Variants in MAP3K19 observed in about 807,000 individuals in gnomAD.
MAP3K19 encodes SPS1/STE20-related protein kinase YSK4.
Under a neutral mutation model 114.4 loss-of-function variants are expected in MAP3K19, and 91 were observed. The ratio of observed to expected loss-of-function variants is 0.80; its 90% CI spans 0.67 to 0.95. The LOEUF is 0.95. Ranked by LOEUF, MAP3K19 falls within the 40% of genes least tolerant of loss-of-function variation. The pLI, the probability that MAP3K19 is intolerant of heterozygous loss-of-function variation, is 0.00. For missense variants in MAP3K19, 1,471 were observed against 1,573.2 expected, an observed-to-expected ratio of 0.94 and a Z score of 1.10; for synonymous variants, 518 against 530.5, an observed-to-expected ratio of 0.98 and a Z score of 0.32.
In MAP3K19 at chr2:134,981,223, C is replaced by T; in HGVS notation, c.3518G>A (p.Gly1173Asp). 2 of 1,614,172 alleles carry T rather than the reference C, an allele frequency of 1.2e-6. No individual in the cohort carries two copies. Among genetic ancestry groups the T allele is most frequent in the Non-Finnish European group, 8.5e-7 (1 of 1,180,044 alleles). Residue 1173 changes from glycine to aspartate, a missense_variant, in exon 12 of 13, where the codon GGT (glycine) becomes GAT (aspartate). Physicochemically the swap from Gly to Asp is moderately conservative, Grantham distance 94. Coordinates refer to ENST00000392915, the MANE Select transcript of MAP3K19 (RefSeq NM_025052.5). Reference sequence around the variant, plus strand: ...ACAGTTCTCATGGAGATAAGCAACACCTTGAAGTATTTGTTTCGTATATTT... The same window carrying T: ...ACAGTTCTCATGGAGATAAGCAACATCTTGAAGTATTTGTTTCGTATATTT... ...FCKYTKQILQ[G>D]VAYLHENCVV...
At chr2:135,002,796 G>A (rs1293498569) in intron 6 of MAP3K19, among the ~76,000 whole-genome samples, 1 of 152,136 alleles carries the variant, frequency 6.6e-6, no homozygotes, top group Non-Finnish European at 1.5e-5. Flanking sequence ...CTCTGGTTAT[G>A]GCAGACGTGG....
intron 5 of MAP3K19, among the ~76,000 whole-genome samples, chr2:135,013,913 T>A (rs189460280): frequency 4.5e-4 from 69 of 152,326 alleles, no homozygotes; most frequent in African/African-American, 1.6e-3. Context: ...CTTTCTTTAT[T>A]TACTTTTTCA....
At position 135,005,434 on chromosome 2, in the gene MAP3K19, C is replaced by A. The variant is rs1335376787; in HGVS notation, c.235+1G>T. 1.2e-6 allele frequency: 2 copies of A among 1,608,484 alleles called. No individual in the cohort carries two copies. The highest frequency in any genetic ancestry group is 1.3e-5 in the African/African-American group (1 of 74,882). ...ACACATCAAGGAGTAAAGCCCAGTA[C>A]CTTCTGTCCTGGGTTGCCAGTCCTG... On this transcript the variant is annotated splice_donor_variant, in intron 6 of 12. Transcript: ENST00000392915. LOFTEE classifies it high-confidence loss of function.
chr2:134,997,950 C>T (rs1168611688), intron 8 of MAP3K19, among the ~76,000 whole-genome samples: 1 of 151,982 alleles, frequency 6.6e-6, no homozygotes, highest in African/African-American at 2.4e-5. Flanking sequence ...GGCATGCAGT[C>T]TCCCTCATTG....
At position 134,986,064 on chromosome 2, in the gene MAP3K19, T is replaced by C; in HGVS notation, c.2808A>G (p.Ser936=). The change falls in exon 10 of 13, where the codon TCA becomes TCG. Residue 936 remains serine (S), a synonymous_variant. Transcript: ENST00000392915. ...YLDHDSLANK[S]ITYQMFGKTL... ...TTTTTCCAAACATTTGATATGTGAT[T>C]GACTTATTTGCTAAACTATCATGAT... The C allele has an allele frequency of 6.2e-7, 1 of 1,614,070 alleles. No individual in the cohort carries two copies. Among genetic ancestry groups the C allele is most frequent in the Non-Finnish European group, 8.5e-7 (1 of 1,179,980 alleles).
chr2:134,978,433 T>G (rs1684397339), intron 12 of MAP3K19, among the ~76,000 whole-genome samples: 1 of 152,058 alleles, frequency 6.6e-6, no homozygotes, highest in African/African-American at 2.4e-5. Context: ...ACTCCTGGGC[T>G]TAAGTGATCC....
intron 11 of MAP3K19, 29 bp from the exon 12 acceptor site, chr2:134,981,547 T>C: frequency 4.6e-6 from 7 of 1,512,804 alleles, no homozygotes; most frequent in Non-Finnish European, 6.3e-6. Context: ...TACCTTGTTA[T>C]TAAATTAATG....
chr2:134,976,002 C>T (rs776490001), intron 12 of MAP3K19, among the ~76,000 whole-genome samples: 1 of 152,196 alleles, frequency 6.6e-6, no homozygotes, highest in Non-Finnish European at 1.5e-5. Context: ...GGAGCAGCCT[C>T]CCTGGTGCGC....
intron 5 of MAP3K19, among the ~76,000 whole-genome samples, chr2:135,006,787 G>A (rs1212525692): frequency 1.3e-5 from 2 of 151,816 alleles, no homozygotes; most frequent in Admixed American, 6.6e-5. Context: ...TCCAGCCTGG[G>A]TGACAGAGTG....
In MAP3K19 at chr2:134,986,847, T is replaced by C; in HGVS notation, c.2025A>G (p.Arg675=). Residue 675 remains arginine, a synonymous_variant, in exon 10 of 13, where the codon CGA becomes CGG. Coordinates refer to ENST00000392915, the MANE Select transcript of MAP3K19 (RefSeq NM_025052.5). Reference sequence around the variant, plus strand: ...ACGTGTTTTCATCCCTTTCAGTCTCTCGCACATGACAATAAACAGGGGTCC... The same window carrying C: ...ACGTGTTTTCATCCCTTTCAGTCTCCCGCACATGACAATAAACAGGGGTCC... ...MFGTPVYCHV[R]ETERDENTYY... is the part of the protein sequence containing the mutation. The C allele has an allele frequency of 6.2e-7, 1 of 1,614,202 alleles. No individual in the cohort carries two copies. Among genetic ancestry groups the C allele is most frequent in the Non-Finnish European group, 8.5e-7 (1 of 1,180,034 alleles).
chr2:134,987,167 T>A lies in MAP3K19; in HGVS notation c.1705A>T (p.Ile569Leu), dbSNP rs577310459. ...AAAGCCGGGAAAATTTGTGTTTTTA[T>A]GCTGGTTTTATGCATGGTAGGCTTA... The part of the protein sequence containing the change: ...PIKPTMHKTS[I>L]KTQIFPALGL... The change falls in exon 10 of 13, where the codon ATA becomes TTA. Residue 569 changes from isoleucine to leucine, a missense_variant. Coordinates refer to ENST00000392915, the MANE Select transcript of MAP3K19 (RefSeq NM_025052.5). 2.5e-6 allele frequency: 4 copies of A among 1,614,214 alleles called. No homozygotes were observed. In the South Asian group the frequency reaches 4.4e-5, roughly 18 times the overall value.
chr2:135,040,720 C>T (rs1688629615), intron 1 of MAP3K19, among the ~76,000 whole-genome samples: 1 of 152,144 alleles, frequency 6.6e-6, no homozygotes. Flanking sequence ...TGCCGCAATA[C>T]CACCAGGCTT....
At chr2:135,040,993 T>C (rs1320415413) in intron 1 of MAP3K19, among the ~76,000 whole-genome samples, 5 of 152,124 alleles carry the variant, frequency 3.3e-5, no homozygotes, top group African/African-American at 1.2e-4. Flanking sequence ...TTGGTAAGGA[T>C]CTGAAATATG....
chr2:134,986,963 G>A lies in MAP3K19; in HGVS notation c.1909C>T (p.Pro637Ser), dbSNP rs780843559. The change falls in exon 10 of 13, where the codon CCA (proline) becomes TCA (serine). Residue 637 changes from proline to serine, a missense_variant. Pro to Ser is a moderately conservative substitution (Grantham distance 74). Transcript: ENST00000392915. ...TTAAGATCTAGGTAATTTAGTCTTG[G>A]CTCTGTCGGTTGAACAGAGAGAGGA... ...CVPLSVQPTE[P>S]RLNYLDLKYS... The A allele has an allele frequency of 6.2e-7, 1 of 1,613,554 alleles. No homozygotes were observed. Among genetic ancestry groups the A allele is most frequent in the Non-Finnish European group, 8.5e-7 (1 of 1,179,886 alleles).
At chr2:135,000,434 T>C (rs910514218) in intron 6 of MAP3K19, among the ~76,000 whole-genome samples, 5 of 152,234 alleles carry the variant, frequency 3.3e-5, no homozygotes, top group Non-Finnish European at 7.3e-5. Context: ...CATGAACTAA[T>C]TTCCAGAATA....
At position 135,032,357 on chromosome 2, in the gene MAP3K19, A is replaced by G. The variant is rs577537097; in HGVS notation, c.-283-1857T>C. On this transcript the variant is annotated intron_variant, in intron 2 of 12. Coordinates refer to ENST00000392915, the MANE Select transcript of MAP3K19 (RefSeq NM_025052.5). ...GGGTGACAGAGTGAGACTCTGTCTG[A>G]AAAAAAAAAAAAAAAAGAAAAGAAA... 5.8e-5 allele frequency among the ~76,000 whole-genome samples: 7 copies of G among 120,748 alleles called. No individual in the cohort carries two copies. The East Asian group carries it at 1.4e-3, about 25-fold the overall frequency. The allele number at this position is 120,748 out of a possible 152,430, so 79.2% of individuals were successfully genotyped here.
chr2:135,001,439 A>C (rs1358532333), intron 6 of MAP3K19, among the ~76,000 whole-genome samples: 2 of 152,238 alleles, frequency 1.3e-5, no homozygotes, highest in African/African-American at 4.8e-5. Context: ...TTGAGCTGGA[A>C]GGAACTTAGA....
At chr2:134,993,026 T>C (rs1478815554) in intron 8 of MAP3K19, among the ~76,000 whole-genome samples, 1 of 152,108 alleles carries the variant, frequency 6.6e-6, no homozygotes, top group Non-Finnish European at 1.5e-5. Context: ...CCTTGCTTAT[T>C]TATTTAAAAT....
At chr2:135,045,853 A>T (rs911951468) in intron 1 of MAP3K19, among the ~76,000 whole-genome samples, 2 of 152,238 alleles carry the variant, frequency 1.3e-5, no homozygotes, top group African/African-American at 4.8e-5. Flanking sequence ...GACAATGAAG[A>T]TGGAATGAGC....
Sources: allele counts gnomAD v4.1 joint callset (sites outside exome capture counted in the v4.1 genomes callset), GRCh38; gene constraint gnomAD v4.1.1; transcripts MANE v1.5; gene names NCBI Gene and HGNC (gene_info 2026-07-23, HGNC 2026-07-21).